Variants in POFUT3 observed in about 807,000 individuals in gnomAD.
POFUT3 encodes protein O-fucosyltransferase 3.
chr8:33,365,129 G>C, the POFUT3 span, among the ~76,000 whole-genome samples: 3 of 152,150 alleles, frequency 2.0e-5, no homozygotes, highest in Non-Finnish European at 4.4e-5. Flanking sequence ...CCTGATCTTT[G>C]ACAAACCTGA....
the POFUT3 span, among the ~76,000 whole-genome samples, chr8:33,438,499 T>C: frequency 6.6e-6 from 1 of 152,164 alleles, no homozygotes; most frequent in Non-Finnish European, 1.5e-5. Flanking sequence ...GGCAGGAGGA[T>C]TGCTTGAGCA....
chr8:33,415,420 CA>C, the POFUT3 span, among the ~76,000 whole-genome samples: 1 of 152,066 alleles, frequency 6.6e-6, no homozygotes, highest in Non-Finnish European at 1.5e-5. Context: ...CAAGAGAACC[CA>C]GGGGACACTT....
the POFUT3 span, chr8:33,372,356 T>C: frequency 7.6e-7 from 1 of 1,318,102 alleles, no homozygotes; most frequent in Non-Finnish European, 9.7e-7. Context: ...ATAACCAGTG[T>C]CCATAAGAAA....
chr8:33,417,186 G>A, the POFUT3 span, among the ~76,000 whole-genome samples: 154 of 152,290 alleles, frequency 1.0e-3, 2 homozygotes, highest in East Asian at 0.026. Flanking sequence ...CAGGTTGCAC[G>A]CTCCTTATGA....
the POFUT3 span, among the ~76,000 whole-genome samples, chr8:33,373,218 C>T: frequency 3.9e-5 from 6 of 152,022 alleles, no homozygotes; most frequent in African/African-American, 1.4e-4. Flanking sequence ...TGCATGTAAG[C>T]GTATTCGAAT....
the POFUT3 span, among the ~76,000 whole-genome samples, chr8:33,425,973 G>A: frequency 2.0e-5 from 3 of 151,334 alleles, no homozygotes; most frequent in East Asian, 1.9e-4. Flanking sequence ...GCATGATCTC[G>A]GCTCACTGCA....
chr8:33,394,051 G>T, the POFUT3 span, among the ~76,000 whole-genome samples: 3 of 152,038 alleles, frequency 2.0e-5, no homozygotes, highest in Non-Finnish European at 4.4e-5. Context: ...TGGATGTGAT[G>T]GTGCACACCT....
the POFUT3 span, among the ~76,000 whole-genome samples, chr8:33,321,864 G>C: frequency 6.6e-6 from 1 of 152,000 alleles, no homozygotes; most frequent in African/African-American, 2.4e-5. Flanking sequence ...AGAATACTTA[G>C]GTGCACCTTT....
chr8:33,396,705 C>G, the POFUT3 span, among the ~76,000 whole-genome samples: 2 of 152,292 alleles, frequency 1.3e-5, no homozygotes, highest in African/African-American at 4.8e-5. Flanking sequence ...CATTCAGGTA[C>G]TGTGCTGTAA....
chr8:33,467,848 G>A, the POFUT3 span, among the ~76,000 whole-genome samples: 1 of 152,218 alleles, frequency 6.6e-6, no homozygotes, highest in Admixed American at 6.5e-5. Context: ...GAAGGTGTAA[G>A]AGTCTCAGAA....
At chr8:33,447,059 A>C in the POFUT3 span, among the ~76,000 whole-genome samples, 1 of 152,210 alleles carries the variant, frequency 6.6e-6, no homozygotes, top group Non-Finnish European at 1.5e-5. Context: ...GGAATTCGTC[A>C]TCCATAGATG....
At chr8:33,427,554 G>A in the POFUT3 span, among the ~76,000 whole-genome samples, 2 of 151,908 alleles carry the variant, frequency 1.3e-5, no homozygotes, top group Non-Finnish European at 2.9e-5. Flanking sequence ...ACTCCAGCCT[G>A]GGCAACAAGA....
the POFUT3 span, among the ~76,000 whole-genome samples, chr8:33,344,586 G>A: frequency 6.6e-6 from 1 of 152,224 alleles, no homozygotes; most frequent in Non-Finnish European, 1.5e-5. Flanking sequence ...CAGCTAATTG[G>A]ATGAAAACGG....
chr8:33,416,830 CAAAAAAAAAAAA>C, the POFUT3 span, among the ~76,000 whole-genome samples: 2 of 44,560 alleles, frequency 4.5e-5, no homozygotes, highest in Non-Finnish European at 1.1e-4. Flanking sequence ...TGGGCGACGA[CAAAAAAAAAAAA>C]AAAAAAAAGA....
chr8:33,367,209 C>T, the POFUT3 span, among the ~76,000 whole-genome samples: 1 of 152,174 alleles, frequency 6.6e-6, no homozygotes, highest in Non-Finnish European at 1.5e-5. Context: ...GCCATAACGC[C>T]CACGCTGGAA....
chr8:33,432,359 A>C, the POFUT3 span, among the ~76,000 whole-genome samples: 1 of 151,632 alleles, frequency 6.6e-6, no homozygotes, highest in Non-Finnish European at 1.5e-5. Context: ...GTGAGCCAAG[A>C]TCGCACCACT....
the POFUT3 span, among the ~76,000 whole-genome samples, chr8:33,434,726 A>G: frequency 2.0e-5 from 3 of 152,222 alleles, no homozygotes; most frequent in Admixed American, 2.0e-4. Flanking sequence ...GGCCCCAGAG[A>G]GGAGGTTCCA....
the POFUT3 span, among the ~76,000 whole-genome samples, chr8:33,393,357 T>C: frequency 7.0e-4 from 107 of 152,348 alleles, no homozygotes; most frequent in African/African-American, 2.4e-3. Flanking sequence ...ACAAACGTAT[T>C]CGTTCCTTTA....
chr8:33,432,556 T>C, the POFUT3 span, among the ~76,000 whole-genome samples: 15 of 152,226 alleles, frequency 9.9e-5, no homozygotes, highest in African/African-American at 2.7e-4. Flanking sequence ...TTGGGAATGC[T>C]AGATTGGTTA....
Sources: gnomAD v4.1 joint callset for allele counts (sites outside exome capture counted in the v4.1 genomes callset) on GRCh38, gnomAD v4.1.1 for gene constraint, MANE v1.5 for transcripts, NCBI Gene and HGNC (gene_info 2026-07-23, HGNC 2026-07-21) for gene names.